Variants in SUSD3 observed in about 807,000 individuals in gnomAD.
SUSD3 encodes sushi domain-containing protein 3.
SUSD3 carries 18 observed loss-of-function variants against 20.6 expected under a neutral mutation model. That is an observed-to-expected ratio of 0.87 (90% confidence interval 0.60 to 1.30). The LOEUF is 1.30. SUSD3 is among the 50% of genes most tolerant of loss of function. SUSD3 has a pLI of 0.00. For missense variants in SUSD3, 306 were observed against 346.9 expected (o/e 0.88, Z 0.94); for synonymous variants, 137 against 141.5 (o/e 0.97, Z 0.23).
intron 2 of SUSD3, among the ~76,000 whole-genome samples, chr9:93,076,385 T>G (rs922639189): frequency 3.3e-5 from 5 of 152,294 alleles, no homozygotes; most frequent in South Asian, 4.1e-4. Flanking sequence ...ATTTCACGTA[T>G]CAGGAATCTT....
intron 1 of SUSD3, among the ~76,000 whole-genome samples, chr9:93,059,049 C>G (rs928010713): frequency 6.6e-6 from 1 of 152,172 alleles, no homozygotes; most frequent in Non-Finnish European, 1.5e-5. Context: ...CGGCTGCACG[C>G]AGCAGCCCGC....
At chr9:93,074,804 G>A (rs1179734619) in intron 1 of SUSD3, among the ~76,000 whole-genome samples, 3 of 151,810 alleles carry the variant, frequency 2.0e-5, no homozygotes, top group African/African-American at 4.8e-5. Flanking sequence ...TAGTAGAGAT[G>A]GGGTTTCACC....
rs534780134 is a variant in SUSD3 at position 93,059,828 on chromosome 9, G to C, written c.88+998G>C. On this transcript the variant is annotated intron_variant, in intron 1 of 4. Transcript: ENST00000375472. ...TCAGGGAGCTAATTCACCGAGCAGA[G>C]GTCCGCAGCTCAGCAAAGTGGGCGC... Among the ~76,000 whole-genome samples, 7 of 152,356 alleles carry C rather than the reference G, an allele frequency of 4.6e-5. No homozygotes were observed. The East Asian group carries it at 1.2e-3, about 25-fold the overall frequency.
Position 93,075,956 on chromosome 9 carries a change from G to C in SUSD3, c.261G>C (p.Gly87=). 6.2e-7 allele frequency: 1 copy of C among 1,605,826 alleles called. No individual in the cohort carries two copies. The highest frequency in any genetic ancestry group is 8.5e-7 in the Non-Finnish European group (1 of 1,174,482). The change falls in exon 2 of 5, where the codon GGG becomes GGC. Residue 87 remains glycine (G), a synonymous_variant. Transcript: ENST00000375472. ...GGAGCATCGCTGAGTGGTCTTCAGGGTCCCCAGTGTGCAAACGTAAGGACC... is the reference window on the plus strand; with the variant it reads ...GGAGCATCGCTGAGTGGTCTTCAGGCTCCCCAGTGTGCAAACGTAAGGACC... ...WKGSIAEWSS[G]SPVCKLVPPH... is the part of the protein sequence containing the mutation.
intron 4 of SUSD3, among the ~76,000 whole-genome samples, chr9:93,083,981 G>GA (rs1826531293): frequency 2.7e-5 from 4 of 150,818 alleles, no homozygotes; most frequent in African/African-American, 9.9e-5. Flanking sequence ...TGTGTGTGTG[G>GA]AGGCTGGAGA....
At chr9:93,066,136 C>A (rs898107967) in intron 1 of SUSD3, among the ~76,000 whole-genome samples, 2 of 152,224 alleles carry the variant, frequency 1.3e-5, no homozygotes, top group Non-Finnish European at 2.9e-5. Context: ...TGTGTACCGC[C>A]CCTAGAAATT....
intron 1 of SUSD3, among the ~76,000 whole-genome samples, chr9:93,067,938 G>A (rs1400184281): frequency 6.6e-6 from 1 of 152,092 alleles, no homozygotes; most frequent in African/African-American, 2.4e-5. Flanking sequence ...ACTTCCTTGT[G>A]GTTTTGATTT....
At chr9:93,065,463 A>T (rs554441680) in intron 1 of SUSD3, among the ~76,000 whole-genome samples, 2 of 152,026 alleles carry the variant, frequency 1.3e-5, no homozygotes, top group South Asian at 4.2e-4. Context: ...GCCAACGGCT[A>T]CTCCCAAACC....
chr9:93,059,140 A>C lies in SUSD3; in HGVS notation c.88+310A>C, dbSNP rs560859669. Among the ~76,000 whole-genome samples, 3 of 151,994 alleles carry C rather than the reference A, an allele frequency of 2.0e-5. No individual in the cohort carries two copies. In the South Asian group the frequency reaches 6.2e-4, roughly 32 times the overall value. On this transcript the variant is annotated intron_variant, in intron 1 of 4. Coordinates refer to ENST00000375472, the MANE Select transcript of SUSD3 (RefSeq NM_145006.4). ...GGCCGGCCAAGCCTCTCCACGCCGC[A>C]GGCTCCGGGCCCCTCCGCGCCCCTC...
chr9:93,075,844 G>A lies in SUSD3; in HGVS notation c.149G>A (p.Gly50Asp), dbSNP rs1826133988. Residue 50 changes from glycine (G) to aspartate (D), a missense_variant, in exon 2 of 5, where the codon GGT (glycine) becomes GAT (aspartate). Transcript: ENST00000375472. ...ACCTTCCAAGTCCTTCGTGGCAATG[G>A]TGCTTCCGTGGGGACCGTGCTCATG... is the stretch of plus-strand genomic sequence containing the variant. ...QATFQVLRGNGASVGTVLMFR... is the reference protein window; with the variant it reads ...QATFQVLRGNDASVGTVLMFR... The A allele has an allele frequency of 1.9e-6, 3 of 1,613,262 alleles. No individual in the cohort carries two copies. The highest frequency in any genetic ancestry group is 2.5e-6 in the Non-Finnish European group (3 of 1,179,902).
intron 1 of SUSD3, among the ~76,000 whole-genome samples, chr9:93,072,555 G>A (rs1825951577): frequency 6.6e-6 from 1 of 152,198 alleles, no homozygotes; most frequent in South Asian, 2.1e-4. Context: ...CACATGGCTG[G>A]GGCAAGGGGT....
chr9:93,075,670 A>C (rs533728863), intron 1 of SUSD3, 114 bp from the exon 2 acceptor site: 64 of 684,066 alleles, frequency 9.4e-5, no homozygotes, highest in African/African-American at 4.4e-4. Context: ...GCTGCACCCC[A>C]CCCCTGTGCT....
At chr9:93,075,744 C>T (rs751559669) in intron 1 of SUSD3, 40 bp from the exon 2 acceptor site, 2 of 175,460 alleles carry the variant, frequency 1.1e-5, no homozygotes, top group Non-Finnish European at 2.3e-5. Flanking sequence ...GTGCCCACCC[C>T]CCCCCCCCCG....
At chr9:93,075,997 TG>T in intron 2 of SUSD3, 25 bp downstream of exon 2, 4 of 1,560,874 alleles carry the variant, frequency 2.6e-6, no homozygotes, top group Non-Finnish European at 3.5e-6. Context: ...CTCAGCTCGG[TG>T]GCTCTGGGGG....
chr9:93,077,139 T>A (rs1826197433), intron 2 of SUSD3, among the ~76,000 whole-genome samples: 1 of 152,144 alleles, frequency 6.6e-6, no homozygotes, highest in Non-Finnish European at 1.5e-5. Flanking sequence ...TCCGAGGCCT[T>A]TTTTAGCCAG....
intron 1 of SUSD3, among the ~76,000 whole-genome samples, chr9:93,070,635 G>A (rs780857248): frequency 1.8e-4 from 27 of 152,236 alleles, no homozygotes; most frequent in Non-Finnish European, 3.5e-4. Context: ...TGTGTACCAG[G>A]CACAACCACC....
rs144154258 is a variant in SUSD3 at position 93,079,579 on chromosome 9, G to A, written c.534G>A (p.Ala178=). 220 of 1,613,900 alleles carry A rather than the reference G, an allele frequency of 1.4e-4. 4 individuals are homozygous for A. In the Admixed American group the frequency reaches 2.0e-3, roughly 15 times the overall value. ...FNKPVSGPSQ[A]HDNHSFTTDH... ...AACCCGTGAGCGGGCCCAGCCAGGCGCACGACAACCACAGCTTCACCACGT... is the reference window on the plus strand; with the variant it reads ...AACCCGTGAGCGGGCCCAGCCAGGCACACGACAACCACAGCTTCACCACGT... Residue 178 remains alanine (A), a synonymous_variant, in exon 4 of 5, where the codon GCG becomes GCA. Coordinates refer to ENST00000375472, the MANE Select transcript of SUSD3 (RefSeq NM_145006.4).
At chr9:93,079,758 G>A (rs148678463) in intron 4 of SUSD3, among the ~76,000 whole-genome samples, 156 bp downstream of exon 4, 75 of 152,182 alleles carry the variant, frequency 4.9e-4, no homozygotes, top group African/African-American at 1.7e-3. Context: ...ACAAGAGGCT[G>A]GTGGTCCTTG....
At position 93,070,802 on chromosome 9, in the gene SUSD3, G is replaced by A. The variant is rs143317159; in HGVS notation, c.89-4982G>A. 3.1e-3 allele frequency among the ~76,000 whole-genome samples: 472 copies of A among 152,358 alleles called. 4 individuals carry two copies. Among genetic ancestry groups the A allele is most frequent in the African/African-American group, 0.011 (444 of 41,586 alleles). ...CTAGGAGCCCCACAGGCTGGAACCCGTGTGTTCGTTTCTGTACTGTCACCC... is the reference window on the plus strand; with the variant it reads ...CTAGGAGCCCCACAGGCTGGAACCCATGTGTTCGTTTCTGTACTGTCACCC... On this transcript the variant is annotated intron_variant, in intron 1 of 4. Transcript: ENST00000375472.
Sources: allele counts gnomAD v4.1 joint callset (sites outside exome capture counted in the v4.1 genomes callset), GRCh38; gene constraint gnomAD v4.1.1; transcripts MANE v1.5; gene names NCBI Gene and HGNC (gene_info 2026-07-23, HGNC 2026-07-21).